SLC38A12: variants seen among roughly 807,000 people sequenced by gnomAD.
SLC38A12 encodes putative sodium-coupled neutral amino acid transporter 12.
the SLC38A12 span, among the ~76,000 whole-genome samples, chr17:74,792,968 A>G: frequency 5.9e-5 from 9 of 152,246 alleles, no homozygotes; most frequent in South Asian, 2.1e-4. Flanking sequence ...TAAAGTGCAC[A>G]TTGGAAGGAA....
the SLC38A12 span, among the ~76,000 whole-genome samples, chr17:74,785,250 G>T: frequency 6.6e-6 from 1 of 152,220 alleles, no homozygotes; most frequent in Non-Finnish European, 1.5e-5. Context: ...GACTGAAACT[G>T]AACCCCAGGG....
chr17:74,807,285 C>T, the SLC38A12 span, among the ~76,000 whole-genome samples: 34 of 152,364 alleles, frequency 2.2e-4, no homozygotes, highest in South Asian at 2.1e-4. Flanking sequence ...ATGATTATTC[C>T]GTTCCTTGAC....
chr17:74,809,883 G>T, the SLC38A12 span, among the ~76,000 whole-genome samples: 1 of 152,136 alleles, frequency 6.6e-6, no homozygotes, highest in African/African-American at 2.4e-5. Flanking sequence ...CCCACTGTTG[G>T]CCAGTCTGTA....
the SLC38A12 span, among the ~76,000 whole-genome samples, chr17:74,816,259 A>G: frequency 2.0e-5 from 3 of 152,278 alleles, no homozygotes; most frequent in South Asian, 4.1e-4. Context: ...GAGAACACAC[A>G]TCTGTGGTTT....
the SLC38A12 span, among the ~76,000 whole-genome samples, chr17:74,779,943 C>G: frequency 1.1e-4 from 16 of 152,336 alleles, no homozygotes; most frequent in Admixed American, 9.8e-4. Context: ...GTGCTGAACA[C>G]GGGAACGTGG....
the SLC38A12 span, among the ~76,000 whole-genome samples, chr17:74,814,714 C>G: frequency 2.0e-5 from 3 of 152,194 alleles, no homozygotes; most frequent in Non-Finnish European, 4.4e-5. Flanking sequence ...CCTTCACCCA[C>G]TCTAGCAGGC....
the SLC38A12 span, chr17:74,795,519 A>T: frequency 1.2e-6 from 2 of 1,613,468 alleles, no homozygotes; most frequent in Non-Finnish European, 1.7e-6. Flanking sequence ...CATTCTCTTT[A>T]TCAGCAGCGC....
chr17:74,835,774 T>C, the SLC38A12 span, among the ~76,000 whole-genome samples: 1 of 152,224 alleles, frequency 6.6e-6, no homozygotes, highest in East Asian at 1.9e-4. Context: ...GAGCAGCCAC[T>C]GTTGAGCCAC....
At chr17:74,804,794 C>T in the SLC38A12 span, among the ~76,000 whole-genome samples, 7 of 152,202 alleles carry the variant, frequency 4.6e-5, no homozygotes, top group East Asian at 1.9e-4. Flanking sequence ...TGGCTGAGGC[C>T]GGGAGGCCCC....
chr17:74,794,996 G>A, the SLC38A12 span: 2 of 1,609,554 alleles, frequency 1.2e-6, no homozygotes, highest in Non-Finnish European at 1.7e-6. Context: ...CTGACTGATG[G>A]CTGTGTTCCT....
At chr17:74,827,318 CAG>C in the SLC38A12 span, among the ~76,000 whole-genome samples, 9 of 146,484 alleles carry the variant, frequency 6.1e-5, no homozygotes, top group Admixed American at 3.5e-4. This position sits in a 1 kb window ranked among gnomAD's most constrained non-coding sequence, Gnocchi z 4.7. Context: ...TTTTTTTAGA[CAG>C]AGTCTCGCTC....
the SLC38A12 span, among the ~76,000 whole-genome samples, chr17:74,824,575 C>A: frequency 1.8e-4 from 27 of 152,300 alleles, 1 homozygote; most frequent in Non-Finnish European, 1.5e-5. Flanking sequence ...TGGTGCGGGG[C>A]GCCCCATTTG....
the SLC38A12 span, among the ~76,000 whole-genome samples, chr17:74,797,584 G>A: frequency 6.6e-6 from 1 of 152,206 alleles, no homozygotes; most frequent in African/African-American, 2.4e-5. Context: ...CAAGGCAGAT[G>A]GGCCTTGGCA....
the SLC38A12 span, chr17:74,836,326 G>A: frequency 1.4e-5 from 22 of 1,612,780 alleles, no homozygotes; most frequent in Non-Finnish European, 1.4e-5. This position sits in a 1 kb window ranked among gnomAD's most constrained non-coding sequence, Gnocchi z 4.2. Context: ...GTGACCCTGC[G>A]CAACAACTGG....
chr17:74,806,550 A>G, the SLC38A12 span, among the ~76,000 whole-genome samples: 2 of 152,126 alleles, frequency 1.3e-5, no homozygotes, highest in African/African-American at 2.4e-5. Flanking sequence ...GGCCGAGGAG[A>G]GCCGGGAAAA....
At chr17:74,809,506 C>A in the SLC38A12 span, among the ~76,000 whole-genome samples, 3 of 152,212 alleles carry the variant, frequency 2.0e-5, no homozygotes, top group Non-Finnish European at 4.4e-5. Context: ...GGAGTCCAGG[C>A]AGCTCTCGTC....
chr17:74,810,166 G>A, the SLC38A12 span, among the ~76,000 whole-genome samples: 1 of 152,354 alleles, frequency 6.6e-6, no homozygotes, highest in East Asian at 1.9e-4. Flanking sequence ...TCAGAACGAG[G>A]CTGCCAGCTT....
At chr17:74,783,737 T>C in the SLC38A12 span, among the ~76,000 whole-genome samples, 1 of 142,232 alleles carries the variant, frequency 7.0e-6, no homozygotes. Context: ...TTTTTTTTTT[T>C]TTTTTTTTTT....
At chr17:74,776,746 C>G in the SLC38A12 span, among the ~76,000 whole-genome samples, 1 of 151,972 alleles carries the variant, frequency 6.6e-6, no homozygotes, top group African/African-American at 2.4e-5. Flanking sequence ...GTGGGGAACC[C>G]TAAGAGAGTA....
Sources: gnomAD v4.1 joint callset for allele counts (sites outside exome capture counted in the v4.1 genomes callset) on GRCh38, gnomAD v4.1.1 for gene constraint, Gnocchi (gnomAD v3.1) non-coding constraint, MANE v1.5 for transcripts, NCBI Gene and HGNC (gene_info 2026-07-23, HGNC 2026-07-21) for gene names.